Variants in CPLANE2 observed in about 807,000 individuals in gnomAD.
CPLANE2 encodes the protein ciliogenesis and planar polarity effector 2.
In CPLANE2, 24 loss-of-function variants were observed where a neutral mutation model predicts 20.9. The ratio of observed to expected loss-of-function variants is 1.15; its 90% CI spans 0.83 to 1.61. CPLANE2 has a LOEUF of 1.61. Ranked by LOEUF, CPLANE2 falls within the 40% of genes most tolerant of loss-of-function variation. CPLANE2 has a pLI of 0.00. For missense variants in CPLANE2, 330 were observed against 355.1 expected (o/e 0.93, Z 0.57); for synonymous variants, 132 against 144.3 (o/e 0.92, Z 0.61).
rs1255854579 is a variant in CPLANE2 at position 16,232,039 on chromosome 1, A to C, written c.*9T>G. 1 of 1,608,468 alleles carries C rather than the reference A, an allele frequency of 6.2e-7. No individual in the cohort carries two copies. The highest frequency in any genetic ancestry group is 8.5e-7 in the Non-Finnish European group (1 of 1,176,714). The stretch of plus-strand genomic sequence containing the variant: ...GTTGGGGGTGGGATCACAGGCAACC[A>C]CTCGTGACTCATTCAGGAGCACTCT... On this transcript the variant is annotated 3_prime_UTR_variant, in exon 5 of 5. Transcript: ENST00000375599.
At position 16,233,827 on chromosome 1, in the gene CPLANE2, G is replaced by C. The variant is rs895601261; in HGVS notation, c.113-63C>G. 8.2e-6 allele frequency: 13 copies of C among 1,587,250 alleles called. No individual in the cohort carries two copies. In the East Asian group the frequency reaches 1.3e-4, roughly 16 times the overall value. ...CTGTGGTTTGAAGGTGTCCCCCAGAGTTCATGTGTTGGAAACTTAATCGCC... is the reference window on the plus strand; with the variant it reads ...CTGTGGTTTGAAGGTGTCCCCCAGACTTCATGTGTTGGAAACTTAATCGCC... On this transcript the variant is annotated intron_variant, in intron 1 of 4. Coordinates refer to ENST00000375599, the MANE Select transcript of CPLANE2 (RefSeq NM_030907.4).
chr1:16,231,782 C>T lies in CPLANE2; in HGVS notation c.*266G>A. 1.8e-6 allele frequency: 1 copy of T among 556,612 alleles called. No individual in the cohort carries two copies. The highest frequency in any genetic ancestry group is 2.5e-5 in the South Asian group (1 of 39,710). The allele number at this position is 556,612 out of a possible 1,614,324, so 34.5% of individuals were successfully genotyped here. On this transcript the variant is annotated 3_prime_UTR_variant, in exon 5 of 5. Coordinates refer to ENST00000375599, the MANE Select transcript of CPLANE2 (RefSeq NM_030907.4). ...CTTGATTGAAGTAACTTGAGAGGCA[C>T]CCCCTCTCCCAGTCATCCTCCATCG...
In CPLANE2 at chr1:16,231,807, G is replaced by A. The variant is rs892303514; in HGVS notation, c.*241C>T. ...CCCCCTCTCCCAGTCATCCTCCATC[G>A]GTGCTGCCAAAGGGGGAAAGGCCAC... On this transcript the variant is annotated 3_prime_UTR_variant, in exon 5 of 5. Coordinates refer to ENST00000375599, the MANE Select transcript of CPLANE2 (RefSeq NM_030907.4). 22 of 577,134 alleles carry A rather than the reference G, an allele frequency of 3.8e-5. No homozygotes were observed. Among genetic ancestry groups the A allele is most frequent in the African/African-American group, 5.6e-5 (3 of 53,612 alleles). 35.8% of individuals were successfully genotyped at this position (577,134 alleles called of 1,614,324 possible).
Position 16,234,792 on chromosome 1 carries a change from G to A in CPLANE2, c.113-1028C>T, listed in dbSNP as rs541045810. Among the ~76,000 whole-genome samples the A allele has an allele frequency of 2.0e-5, 3 of 152,194 alleles. No homozygotes were observed. In the South Asian group the frequency reaches 6.2e-4, roughly 32 times the overall value. ...TTGTTGCCCAGGCTGGAGTGCAATG[G>A]TGTGATCTCACTGCAACTTCCGCCT... On this transcript the variant is annotated intron_variant, in intron 1 of 4. Transcript: ENST00000375599.
At chr1:16,233,934 G>A (rs898526715) in intron 1 of CPLANE2, among the ~76,000 whole-genome samples, 170 bp from the exon 2 acceptor site, 12 of 152,238 alleles carry the variant, frequency 7.9e-5, no homozygotes, top group African/African-American at 2.7e-4. Flanking sequence ...TATTGAGGGA[G>A]TGGGTTTGTT....
Position 16,232,605 on chromosome 1 carries a change from G to A in CPLANE2, c.432C>T (p.Ser144=). The A allele has an allele frequency of 1.2e-6, 2 of 1,614,140 alleles. No homozygotes were observed. The highest frequency in any genetic ancestry group is 1.1e-5 in the South Asian group (1 of 91,080). The part of the protein sequence containing the change: ...ENTDAFLFLF[S]FTDRASFEDL... ...CTTCAAAGGAGGCACGGTCAGTGAA[G>A]GAGAAGAGGAAGAGGAAGGCATCTG... is the stretch of plus-strand genomic sequence containing the variant. Residue 144 remains serine, a synonymous_variant, in exon 4 of 5, where the codon TCC becomes TCT. Transcript: ENST00000375599.
Position 16,236,738 on chromosome 1 carries a change from G to A in CPLANE2, c.5C>T (p.Ala2Val). The change falls in exon 1 of 5, where the codon GCC (alanine) becomes GTC (valine). Residue 2 changes from alanine to valine, a missense_variant. By Grantham distance (64) the Ala-to-Val change is moderately conservative (BLOSUM62 0). Transcript: ENST00000375599. M[A>V]RPPVPGSVVV... ...CACCGAACCGGGCACGGGAGGTCTG[G>A]CCATGGCTGGGCACCGCGACGGGGT... 1 of 1,553,358 alleles carries A rather than the reference G, an allele frequency of 6.4e-7. No homozygotes were observed. Among genetic ancestry groups the A allele is most frequent in the South Asian group, 1.2e-5 (1 of 84,278 alleles).
intron 1 of CPLANE2, among the ~76,000 whole-genome samples, chr1:16,236,062 T>C (rs952396985): frequency 6.6e-6 from 1 of 152,238 alleles, no homozygotes; most frequent in Non-Finnish European, 1.5e-5. Context: ...TGGTTCTAGC[T>C]ATCTCACTCT....
At position 16,231,998 on chromosome 1, in the gene CPLANE2, A is replaced by G. The variant is rs7512391; in HGVS notation, c.*50T>C. ...TGTTCCTGCCCCAGCCTCCAGCCCT[A>G]TGTCGAGACCTGAGGGTTGGGGGTG... On this transcript the variant is annotated 3_prime_UTR_variant, in exon 5 of 5. Transcript: ENST00000375599. 8,911 of 1,583,954 alleles carry G rather than the reference A, an allele frequency of 5.6e-3. 406 individuals are homozygous for G. The African/African-American group carries it at 0.099, about 18-fold the overall frequency.
Position 16,233,685 on chromosome 1 carries a change from ACT to A in CPLANE2, c.190_191del (p.Ser64TrpfsTer49). ...ASYKIFVSGK[S>X]GVGKTALVAK... ...CCACCAGCGCCGTCTTGCCCACACC[ACT>A]CTTCCCGGACACAAAGATCTTGTAG... is the stretch of plus-strand genomic sequence containing the variant. On this transcript the variant is annotated frameshift_variant, in exon 2 of 5. Transcript: ENST00000375599. LOFTEE classifies it high-confidence loss of function. 6.2e-7 allele frequency: 1 copy of A among 1,613,598 alleles called. No homozygotes were observed. Among genetic ancestry groups the A allele is most frequent in the East Asian group, 2.2e-5 (1 of 44,848 alleles).
intron 1 of CPLANE2, among the ~76,000 whole-genome samples, chr1:16,235,783 C>T (rs953874813): frequency 6.7e-6 from 1 of 148,912 alleles, no homozygotes; most frequent in African/African-American, 2.5e-5. Flanking sequence ...TGTGTTCAAG[C>T]GATTCTCCTG....
At chr1:16,233,420 C>G (rs945597894) in intron 2 of CPLANE2, among the ~76,000 whole-genome samples, 192 bp downstream of exon 2, 1 of 152,244 alleles carries the variant, frequency 6.6e-6, no homozygotes, top group Non-Finnish European at 1.5e-5. Flanking sequence ...ACCACCACCA[C>G]CACCTCTAGT....
chr1:16,234,408 T>A (rs77288118), intron 1 of CPLANE2, among the ~76,000 whole-genome samples: 3,243 of 152,136 alleles, frequency 0.021, 121 homozygotes, highest in African/African-American at 0.073. Context: ...TCTCAAAAAA[T>A]AAATAAATAA....
At chr1:16,235,671 G>C (rs907266318) in intron 1 of CPLANE2, among the ~76,000 whole-genome samples, 17 of 147,332 alleles carry the variant, frequency 1.2e-4, no homozygotes, top group Non-Finnish European at 2.4e-4. Flanking sequence ...GGCCATATTA[G>C]AGGGTCTTTT....
intron 1 of CPLANE2, among the ~76,000 whole-genome samples, chr1:16,235,191 C>A (rs2081455277): frequency 6.6e-6 from 1 of 152,064 alleles, no homozygotes; most frequent in Admixed American, 6.6e-5. Context: ...GTGCATAAAC[C>A]CAGCTGTTAA....
chr1:16,232,691 C>A, intron 3 of CPLANE2, 45 bp from the exon 4 acceptor site: 1 of 1,609,644 alleles, frequency 6.2e-7, no homozygotes, highest in Non-Finnish European at 8.5e-7. Flanking sequence ...CCATCAGCTG[C>A]AGGGCCCTCA....
At position 16,232,533 on chromosome 1, in the gene CPLANE2, G is replaced by A. The variant is rs2081430049; in HGVS notation, c.504C>T (p.Val168=). The A allele has an allele frequency of 3.7e-6, 6 of 1,614,060 alleles. No individual in the cohort carries two copies. Among genetic ancestry groups the A allele is most frequent in the African/African-American group, 1.3e-5 (1 of 75,030 alleles). ...ACTTGGAGCCGATGACCATCCTGAC[G>A]ACACCAGGGGCCTCACCTGCTATGC... ...LARIAGEAPG[V]VRMVIGSKFD... Residue 168 remains valine, a synonymous_variant, in exon 4 of 5, where the codon GTC becomes GTT. Coordinates refer to ENST00000375599, the MANE Select transcript of CPLANE2 (RefSeq NM_030907.4).
At chr1:16,235,859 T>G (rs1281075515) in intron 1 of CPLANE2, among the ~76,000 whole-genome samples, 1 of 151,986 alleles carries the variant, frequency 6.6e-6, no homozygotes, top group African/African-American at 2.4e-5. Context: ...TTTTGTATTT[T>G]TAGTAAAGAT....
At chr1:16,233,140 G>T in intron 2 of CPLANE2, 123 bp from the exon 3 acceptor site, 1 of 1,090,272 alleles carries the variant, frequency 9.2e-7, no homozygotes, top group Non-Finnish European at 1.3e-6. Flanking sequence ...GTTTGATGAG[G>T]GAGGCACAGT....
Sources: gnomAD v4.1 joint callset for allele counts (sites outside exome capture counted in the v4.1 genomes callset) on GRCh38, gnomAD v4.1.1 for gene constraint, MANE v1.5 for transcripts, NCBI Gene and HGNC (gene_info 2026-07-23, HGNC 2026-07-21) for gene names.